Variants in PDGFC observed in about 807,000 individuals in gnomAD.
PDGFC encodes the protein platelet derived growth factor C.
Under a neutral mutation model 35.5 loss-of-function variants are expected in PDGFC, and 12 were observed. That is an observed-to-expected ratio of 0.34 (90% CI 0.22 to 0.55). The LOEUF (loss-of-function observed/expected upper bound fraction) is 0.55, where lower values mean the gene tolerates loss of function less well. Ranked by LOEUF, PDGFC falls within the 20% of genes least tolerant of loss-of-function variation. PDGFC has a pLI of 0.91. For missense variants in PDGFC, 322 were observed against 412.4 expected, an observed-to-expected ratio of 0.78 and a Z score of 1.90; for synonymous variants, 159 against 148.8, an observed-to-expected ratio of 1.07 and a Z score of -0.50.
At chr4:156,871,975 T>C (rs1302937554) in intron 1 of PDGFC, among the ~76,000 whole-genome samples, 1 of 151,980 alleles carries the variant, frequency 6.6e-6, no homozygotes, top group Non-Finnish European at 1.5e-5. Flanking sequence ...ATGGTTTTAT[T>C]GATTCCCAAT....
At chr4:156,788,139 C>T (rs1731180670) in intron 3 of PDGFC, among the ~76,000 whole-genome samples, 1 of 151,880 alleles carries the variant, frequency 6.6e-6, no homozygotes, top group African/African-American at 2.4e-5. Context: ...AGTGTGCTGG[C>T]CAATAATCTC....
intron 1 of PDGFC, among the ~76,000 whole-genome samples, chr4:156,899,296 A>G (rs1730710239): frequency 6.6e-6 from 1 of 152,218 alleles, no homozygotes; most frequent in Admixed American, 6.5e-5. Context: ...TAATATGTGT[A>G]GGTTATATTA....
In PDGFC at chr4:156,960,252, T is replaced by TTATATATA. The variant is rs202066963; in HGVS notation, c.118+10526_118+10533dup. Among the ~76,000 whole-genome samples the TTATATATA allele has an allele frequency of 2.1e-3, 287 of 137,114 alleles. 1 individual carries two copies. Among genetic ancestry groups the TTATATATA allele is most frequent in the African/African-American group, 7.5e-3 (265 of 35,138 alleles). The allele number at this position is 137,114 out of a possible 152,430, so 90.0% of individuals were successfully genotyped here. A position where few individuals can be genotyped will look rare whatever the true frequency, so the allele number is the denominator to read the frequency against. ...AAGCCATTTGATATATATATAACTG[T>TTATATATA]TATATATATATATATATATATAAAA... On this transcript the variant is annotated intron_variant, in intron 1 of 5. Transcript: ENST00000502773.
chr4:156,924,503 T>C (rs964506821), intron 1 of PDGFC, among the ~76,000 whole-genome samples: 3 of 152,156 alleles, frequency 2.0e-5, no homozygotes, highest in African/African-American at 7.2e-5. Context: ...AATGGTGTGA[T>C]GTGAAAAAGA....
chr4:156,840,660 G>A (rs1351880170), intron 2 of PDGFC, among the ~76,000 whole-genome samples: 1 of 152,154 alleles, frequency 6.6e-6, no homozygotes, highest in Non-Finnish European at 1.5e-5. Flanking sequence ...AGCTTGCACT[G>A]TGCACCTGGA....
At chr4:156,818,925 C>T (rs959650346) in intron 2 of PDGFC, among the ~76,000 whole-genome samples, 4 of 152,068 alleles carry the variant, frequency 2.6e-5, no homozygotes, top group Non-Finnish European at 4.4e-5. Context: ...TAAGGAGGCT[C>T]AAGGAGAGGG....
intron 3 of PDGFC, among the ~76,000 whole-genome samples, chr4:156,782,681 C>T (rs531958465): frequency 9.9e-5 from 15 of 152,128 alleles, no homozygotes; most frequent in Non-Finnish European, 8.8e-5. Flanking sequence ...TTGTGTCTCA[C>T]GGTCAGAATT....
At chr4:156,955,789 G>A (rs1218759122) in intron 1 of PDGFC, among the ~76,000 whole-genome samples, 1 of 151,970 alleles carries the variant, frequency 6.6e-6, no homozygotes, top group African/African-American at 2.4e-5. Flanking sequence ...CATGCTCTTA[G>A]TATGTCTGAC....
intron 1 of PDGFC, among the ~76,000 whole-genome samples, chr4:156,957,332 A>G (rs1187678165): frequency 6.6e-6 from 1 of 151,832 alleles, no homozygotes; most frequent in Non-Finnish European, 1.5e-5. Context: ...TCACTTCCTC[A>G]CTTTACTCCA....
chr4:156,952,061 T>C (rs1356065313), intron 1 of PDGFC, among the ~76,000 whole-genome samples: 3 of 151,828 alleles, frequency 2.0e-5, no homozygotes, highest in Non-Finnish European at 2.9e-5. Flanking sequence ...CAAAACAAAA[T>C]GTGTCCTCTT....
At chr4:156,882,145 CT>C (rs1436278505) in intron 1 of PDGFC, among the ~76,000 whole-genome samples, 9 of 152,030 alleles carry the variant, frequency 5.9e-5, no homozygotes, top group African/African-American at 1.9e-4. Flanking sequence ...CCTAAGTATC[CT>C]GCTATTTCAT....
chr4:156,930,392 G>A (rs1418000218), intron 1 of PDGFC, among the ~76,000 whole-genome samples: 1 of 152,188 alleles, frequency 6.6e-6, no homozygotes, highest in Admixed American at 6.5e-5. Context: ...TGTAGGATCT[G>A]TAGGCTAGCA....
intron 5 of PDGFC, 136 bp downstream of exon 5, chr4:156,767,637 A>T (rs1057507467): frequency 4.9e-6 from 3 of 618,038 alleles, no homozygotes; most frequent in Non-Finnish European, 8.6e-6. Flanking sequence ...ACAAAAACAT[A>T]AACTATTTGT....
chr4:156,890,834 G>A (rs1730486269), intron 1 of PDGFC, among the ~76,000 whole-genome samples: 2 of 152,098 alleles, frequency 1.3e-5, no homozygotes, highest in Admixed American at 1.3e-4. Context: ...TTTTAAAAAG[G>A]TAACATTCCC....
intron 1 of PDGFC, among the ~76,000 whole-genome samples, chr4:156,928,688 C>CT (rs1731476336): frequency 6.6e-6 from 1 of 152,100 alleles, no homozygotes; most frequent in Non-Finnish European, 1.5e-5. Flanking sequence ...GCTTCAGTTT[C>CT]TTTTTACCAT....
At chr4:156,784,657 T>C (rs959031438) in intron 3 of PDGFC, among the ~76,000 whole-genome samples, 27 of 152,224 alleles carry the variant, frequency 1.8e-4, no homozygotes, top group African/African-American at 6.5e-4. Context: ...CAGAAATACG[T>C]GTATATTTGC....
At chr4:156,946,366 C>A (rs887533580) in intron 1 of PDGFC, among the ~76,000 whole-genome samples, 10 of 151,808 alleles carry the variant, frequency 6.6e-5, no homozygotes, top group Non-Finnish European at 1.2e-4. Flanking sequence ...AGCAACCAAC[C>A]CACTTTAACG....
chr4:156,784,323 C>T (rs1731061231), intron 3 of PDGFC, among the ~76,000 whole-genome samples: 1 of 152,096 alleles, frequency 6.6e-6, no homozygotes, highest in Non-Finnish European at 1.5e-5. Flanking sequence ...GGAAGAGAGC[C>T]TGGAGGTCTT....
intron 1 of PDGFC, among the ~76,000 whole-genome samples, chr4:156,966,983 C>A (rs1179329325): frequency 6.6e-6 from 1 of 151,590 alleles, no homozygotes. Context: ...TGTTCAACTT[C>A]CTCAACTATT....
Sources: allele counts gnomAD v4.1 joint callset (sites outside exome capture counted in the v4.1 genomes callset), GRCh38; gene constraint gnomAD v4.1.1; transcripts MANE v1.5; gene names NCBI Gene and HGNC (gene_info 2026-07-23, HGNC 2026-07-21).